Variants in EML6 observed in about 807,000 individuals in gnomAD.
EML6 encodes the protein echinoderm microtubule-associated protein-like 6.
In EML6, 154 loss-of-function variants were observed where a neutral mutation model predicts 240.1. The observed-to-expected ratio is 0.64, with a 90% CI of 0.56 to 0.73. EML6 has a LOEUF of 0.73. Among genes scored for constraint, EML6 ranks in the 30% least tolerant of loss-of-function variants. EML6 has a pLI of 0.00. For missense variants in EML6, 2,964 were observed against 2,474.6 expected, an observed-to-expected ratio of 1.20 and a Z score of -4.20; for synonymous variants, 1,148 against 899.0, an observed-to-expected ratio of 1.28 and a Z score of -4.95.
chr2:54,822,652 G>C (rs1380993308), intron 5 of EML6, among the ~76,000 whole-genome samples: 2 of 152,084 alleles, frequency 1.3e-5, no homozygotes, highest in African/African-American at 4.8e-5. Flanking sequence ...TGGGGGTTGG[G>C]TTATGGTGGG....
chr2:54,967,488 G>T (rs1053633714), intron 39 of EML6, among the ~76,000 whole-genome samples: 17 of 152,168 alleles, frequency 1.1e-4, no homozygotes, highest in African/African-American at 3.9e-4. Context: ...CTAATTCATG[G>T]GAAAAGAGAC....
At position 54,802,734 on chromosome 2, in the gene EML6, C is replaced by T. The variant is rs117291894; in HGVS notation, c.198-10498C>T. 1.9e-4 allele frequency among the ~76,000 whole-genome samples: 29 copies of T among 152,084 alleles called. No homozygotes were observed. In the East Asian group the frequency reaches 5.4e-3, roughly 28 times the overall value. On this transcript the variant is annotated intron_variant, in intron 2 of 41. Coordinates refer to ENST00000356458, the MANE Select transcript of EML6 (RefSeq NM_001039753.4). Reference sequence around the variant, plus strand: ...TCTGATAAAAGGCCATGTTACTTTACTTATGGCTACTATTTGAGTGCCCAC... The same window carrying T: ...TCTGATAAAAGGCCATGTTACTTTATTTATGGCTACTATTTGAGTGCCCAC...
At chr2:54,893,998 C>T (rs796380515) in intron 19 of EML6, among the ~76,000 whole-genome samples, 10 of 152,100 alleles carry the variant, frequency 6.6e-5, no homozygotes, top group African/African-American at 2.4e-4. Flanking sequence ...GCTGCAAAAT[C>T]ATGAGAAAAG....
At chr2:54,804,934 A>C (rs758581231) in intron 2 of EML6, among the ~76,000 whole-genome samples, 1 of 152,036 alleles carries the variant, frequency 6.6e-6, no homozygotes, top group Non-Finnish European at 1.5e-5. Context: ...CCTGAGGGTT[A>C]TTTTATTTTT....
chr2:54,777,951 T>C (rs1368288848), intron 2 of EML6, among the ~76,000 whole-genome samples: 2 of 152,244 alleles, frequency 1.3e-5, no homozygotes, highest in African/African-American at 4.8e-5. Flanking sequence ...CCACTGGTTC[T>C]ATTTTAAAAT....
chr2:54,811,268 G>A (rs1667828433), intron 2 of EML6, among the ~76,000 whole-genome samples: 1 of 152,096 alleles, frequency 6.6e-6, no homozygotes, highest in Non-Finnish European at 1.5e-5. Flanking sequence ...ATAGTCAGTG[G>A]TACCCTAATT....
chr2:54,878,679 G>A (rs547114723), intron 16 of EML6, among the ~76,000 whole-genome samples: 10 of 152,108 alleles, frequency 6.6e-5, no homozygotes, highest in Non-Finnish European at 1.5e-4. Flanking sequence ...ATGTAAAGCA[G>A]ACAAGCGATG....
At chr2:54,750,569 ATCTTAGAC>A (rs1193116171) in intron 2 of EML6, among the ~76,000 whole-genome samples, 1 of 152,178 alleles carries the variant, frequency 6.6e-6, no homozygotes, top group Non-Finnish European at 1.5e-5. Context: ...TGTCAGTAGT[ATCTTAGAC>A]TCTCCCTTTC....
chr2:54,928,369 G>T lies in EML6; in HGVS notation c.3732G>T (p.Val1244=), dbSNP rs1479965682. The T allele has an allele frequency of 6.4e-7, 1 of 1,552,010 alleles. No individual in the cohort carries two copies. Among genetic ancestry groups the T allele is most frequent in the East Asian group, 2.4e-5 (1 of 40,908 alleles). ...GGCACAGTGCACATGTCACTAACGT[G>T]AGGTGGCTGCACAATGACTCTGTGC... The part of the protein sequence containing the change: ...YVGHSAHVTN[V]RWLHNDSVLL... Residue 1244 remains valine, a synonymous_variant, in exon 27 of 42, where the codon GTG becomes GTT. Transcript: ENST00000356458.
chr2:54,801,419 C>T (rs1230854062), intron 2 of EML6, among the ~76,000 whole-genome samples: 3 of 152,118 alleles, frequency 2.0e-5, no homozygotes, highest in South Asian at 2.1e-4. Context: ...CAGCCTTGGC[C>T]TGAAGTGATG....
intron 19 of EML6, 45 bp from the exon 20 acceptor site, chr2:54,894,870 G>A: frequency 1.5e-6 from 2 of 1,373,408 alleles, no homozygotes; most frequent in Non-Finnish European, 1.0e-6. Flanking sequence ...TGGGTAATTG[G>A]TCATTTTGAT....
intron 41 of EML6, among the ~76,000 whole-genome samples, 187 bp downstream of exon 41, chr2:54,968,955 T>C (rs1426818250): frequency 6.6e-6 from 1 of 152,136 alleles, no homozygotes; most frequent in East Asian, 1.9e-4. Flanking sequence ...TACTCTTTGG[T>C]GACTGTCAAC....
intron 2 of EML6, among the ~76,000 whole-genome samples, chr2:54,752,106 G>GT (rs1338860906): frequency 6.6e-6 from 1 of 152,154 alleles, no homozygotes; most frequent in Non-Finnish European, 1.5e-5. Context: ...TCATTACACT[G>GT]TGTTTAAATT....
At chr2:54,786,752 C>G (rs889992134) in intron 2 of EML6, among the ~76,000 whole-genome samples, 2 of 152,204 alleles carry the variant, frequency 1.3e-5, no homozygotes, top group Non-Finnish European at 2.9e-5. Flanking sequence ...AATCCAGAGG[C>G]TCTGTTAAGA....
chr2:54,913,071 G>GTTTTTTTTTTTTTTTT (rs1216432893), intron 25 of EML6, among the ~76,000 whole-genome samples: 2 of 125,730 alleles, frequency 1.6e-5, no homozygotes. Flanking sequence ...GCCAGATTCT[G>GTTTTTTTTTTTTTTTT]TTTTTTTTTT....
At chr2:54,817,029 A>G (rs952749701) in intron 4 of EML6, 144 bp downstream of exon 4, 2 of 588,776 alleles carry the variant, frequency 3.4e-6, no homozygotes, top group African/African-American at 1.9e-5. Context: ...CTCTTTTTTC[A>G]TGATTAATAG....
At chr2:54,968,953 G>C (rs753735503) in intron 41 of EML6, among the ~76,000 whole-genome samples, 185 bp downstream of exon 41, 1 of 152,118 alleles carries the variant, frequency 6.6e-6, no homozygotes, top group African/African-American at 2.4e-5. Context: ...TTTACTCTTT[G>C]GTGACTGTCA....
intron 3 of EML6, 121 bp from the exon 4 acceptor site, chr2:54,816,666 G>C (rs113913794): frequency 3.8e-4 from 283 of 751,712 alleles, no homozygotes; most frequent in Non-Finnish European, 4.9e-4. Flanking sequence ...GATGGGTTTT[G>C]AGAAATCGGT....
At chr2:54,961,663 T>A (rs1012124716) in intron 35 of EML6, among the ~76,000 whole-genome samples, 1 of 151,820 alleles carries the variant, frequency 6.6e-6, no homozygotes, top group South Asian at 2.1e-4. Context: ...AAGGGCAAAG[T>A]AAGAGGGTGG....
Sources: gnomAD v4.1 joint callset for allele counts (sites outside exome capture counted in the v4.1 genomes callset) on GRCh38, gnomAD v4.1.1 for gene constraint, MANE v1.5 for transcripts, NCBI Gene and HGNC (gene_info 2026-07-23, HGNC 2026-07-21) for gene names.